CPED1: variants seen among roughly 807,000 people sequenced by gnomAD.
CPED1 encodes the protein cadherin-like and PC-esterase domain-containing protein 1.
A neutral mutation model predicts 128.2 loss-of-function variants in CPED1; 114 were observed. The observed-to-expected ratio is 0.89, with a 90% CI of 0.76 to 1.04. The LOEUF (loss-of-function observed/expected upper bound fraction) is 1.04. Among genes scored for constraint, CPED1 ranks in the 50% least tolerant of loss-of-function variants. The pLI is 0.00. For missense variants in CPED1, 1,211 were observed against 1,207.1 expected, an observed-to-expected ratio of 1.00 and a Z score of -0.05; for synonymous variants, 462 against 426.7, an observed-to-expected ratio of 1.08 and a Z score of -1.02.
chr7:121,282,099 G>GATAT (rs928816461), intron 22 of CPED1, among the ~76,000 whole-genome samples: 1 of 152,102 alleles, frequency 6.6e-6, no homozygotes, highest in African/African-American at 2.4e-5. Context: ...TTTCCTCTTA[G>GATAT]ATATACCTGT....
intron 5 of CPED1, among the ~76,000 whole-genome samples, chr7:121,077,366 T>C (rs1012710978): frequency 2.3e-4 from 35 of 152,014 alleles, no homozygotes; most frequent in Admixed American, 1.8e-3. Context: ...CTTTTGCTTT[T>C]ATTATGTCTT....
intron 2 of CPED1, among the ~76,000 whole-genome samples, chr7:120,996,754 T>C (rs1277255552): frequency 6.6e-6 from 1 of 152,194 alleles, no homozygotes; most frequent in Non-Finnish European, 1.5e-5. Context: ...AATCTTAGCA[T>C]CTATCTTCAC....
chr7:121,099,879 T>C lies in CPED1; in HGVS notation c.750-47T>C, dbSNP rs115702920. 298 of 1,578,110 alleles carry C rather than the reference T, an allele frequency of 1.9e-4. No individual in the cohort carries two copies. In the African/African-American group the frequency reaches 3.4e-3, roughly 18 times the overall value. On this transcript the variant is annotated intron_variant, in intron 6 of 22. Coordinates refer to ENST00000310396, the MANE Select transcript of CPED1 (RefSeq NM_024913.5). ...TGTAGGTAATTTACAAATTATGTAC[T>C]CAACCCTACATTATGGAGCGCTAAC...
At chr7:121,223,245 G>A (rs898310286) in intron 16 of CPED1, among the ~76,000 whole-genome samples, 1 of 152,060 alleles carries the variant, frequency 6.6e-6, no homozygotes, top group South Asian at 2.1e-4. Flanking sequence ...TTCTGTTTAT[G>A]TGATGGATTA....
intron 14 of CPED1, among the ~76,000 whole-genome samples, chr7:121,136,324 G>T (rs1376841383): frequency 6.6e-6 from 1 of 151,996 alleles, no homozygotes; most frequent in African/African-American, 2.4e-5. Flanking sequence ...CCACTTTGAA[G>T]GGCTTTAGGA....
intron 16 of CPED1, among the ~76,000 whole-genome samples, chr7:121,214,071 T>C (rs1797704527): frequency 6.6e-6 from 1 of 152,030 alleles, no homozygotes; most frequent in African/African-American, 2.4e-5. Flanking sequence ...TCAGTTATTT[T>C]GTGGAATGCC....
chr7:121,125,644 C>T (rs1795484537), intron 8 of CPED1, among the ~76,000 whole-genome samples, 176 bp from the exon 9 acceptor site: 1 of 152,114 alleles, frequency 6.6e-6, no homozygotes, highest in Admixed American at 6.5e-5. Context: ...TTGAACTCAT[C>T]CTTTTTTTAT....
At chr7:121,006,550 G>A (rs1792020473) in intron 2 of CPED1, among the ~76,000 whole-genome samples, 1 of 151,824 alleles carries the variant, frequency 6.6e-6, no homozygotes, top group Admixed American at 6.6e-5. Flanking sequence ...AGACTAAAGA[G>A]GGACACACTC....
At chr7:121,132,703 GATTT>G (rs1295793272) in intron 12 of CPED1, among the ~76,000 whole-genome samples, 2 of 152,144 alleles carry the variant, frequency 1.3e-5, no homozygotes, top group East Asian at 3.9e-4. Context: ...AATCCACATG[GATTT>G]GAAACAATGT....
intron 7 of CPED1, among the ~76,000 whole-genome samples, chr7:121,104,990 G>A (rs1794938405): frequency 6.6e-6 from 1 of 152,002 alleles, no homozygotes; most frequent in Non-Finnish European, 1.5e-5. Context: ...GGAAATCTGG[G>A]ATACCGTAGC....
chr7:121,008,926 A>T (rs1281147442), intron 2 of CPED1, among the ~76,000 whole-genome samples: 1 of 152,192 alleles, frequency 6.6e-6, no homozygotes, highest in East Asian at 1.9e-4. Context: ...CGGTTTTGCC[A>T]TCCAAAATCT....
In CPED1 at chr7:121,266,793, A is replaced by G; in HGVS notation, c.2618A>G (p.His873Arg). Reference protein sequence around the residue: ...WLNSNHLQIIHKVLKRENLLN... With the variant: ...WLNSNHLQIIRKVLKRENLLN... ...AATTCCAATCACCTGCAAATTATTC[A>G]CAAAGTTTTGAAGAGGTAAATGTCT... The change falls in exon 20 of 23, where the codon CAC (histidine) becomes CGC (arginine). Residue 873 changes from histidine (H) to arginine (R), a missense_variant. Physicochemically the swap from His to Arg is conservative, Grantham distance 29. Transcript: ENST00000310396. The G allele has an allele frequency of 6.2e-7, 1 of 1,611,900 alleles. No individual in the cohort carries two copies. The highest frequency in any genetic ancestry group is 8.5e-7 in the Non-Finnish European group (1 of 1,178,316).
intron 13 of CPED1, among the ~76,000 whole-genome samples, chr7:121,134,442 T>A (rs1795742096): frequency 6.6e-6 from 1 of 151,980 alleles, no homozygotes; most frequent in South Asian, 2.1e-4. Context: ...ATAGTAGTTA[T>A]TAGAGGCCAG....
At position 121,015,832 on chromosome 7, in the gene CPED1, G is replaced by A. The variant is rs144047302; in HGVS notation, c.417G>A (p.Pro139=). 751 of 1,556,592 alleles carry A rather than the reference G, an allele frequency of 4.8e-4. 3 individuals are homozygous for A. The highest frequency in any genetic ancestry group is 5.6e-4 in the Non-Finnish European group (644 of 1,158,124). The part of the protein sequence containing the change: ...AEERLNAGLG[P]GLLEQGDLGS... Reference sequence around the variant, plus strand: ...AAAGGCTCAATGCTGGCCTAGGGCCGGGGCTACTAGAACAAGGTCAGAATA... The same window carrying A: ...AAAGGCTCAATGCTGGCCTAGGGCCAGGGCTACTAGAACAAGGTCAGAATA... The change falls in exon 3 of 23, where the codon CCG becomes CCA. Residue 139 remains proline, a synonymous_variant. Coordinates refer to ENST00000310396, the MANE Select transcript of CPED1 (RefSeq NM_024913.5).
chr7:121,232,872 G>A (rs1798169668), intron 16 of CPED1, among the ~76,000 whole-genome samples: 1 of 151,930 alleles, frequency 6.6e-6, no homozygotes, highest in Non-Finnish European at 1.5e-5. Flanking sequence ...AATTCCATGG[G>A]GTCAATAGAA....
chr7:121,162,176 G>A (rs1056748130), intron 16 of CPED1, among the ~76,000 whole-genome samples: 2 of 152,194 alleles, frequency 1.3e-5, no homozygotes, highest in African/African-American at 4.8e-5. Flanking sequence ...TAGGCAATAG[G>A]AACTGGTGAG....
chr7:121,055,262 T>C (rs1292473207), intron 4 of CPED1, among the ~76,000 whole-genome samples: 2 of 152,182 alleles, frequency 1.3e-5, no homozygotes, highest in South Asian at 2.1e-4. Flanking sequence ...TAAAAACTTT[T>C]AAATTTAAAA....
chr7:121,238,235 G>T (rs1027272129), intron 17 of CPED1, among the ~76,000 whole-genome samples: 10 of 152,140 alleles, frequency 6.6e-5, no homozygotes, highest in Admixed American at 6.5e-4. Flanking sequence ...AAGGAGCTAG[G>T]TCTCCTTAGA....
At chr7:121,234,823 G>A (rs1306282737) in intron 16 of CPED1, among the ~76,000 whole-genome samples, 2 of 152,048 alleles carry the variant, frequency 1.3e-5, no homozygotes, top group Non-Finnish European at 2.9e-5. Context: ...GTACACGTGT[G>A]TATTTCAGAT....
Sources: gnomAD v4.1 joint callset for allele counts (sites outside exome capture counted in the v4.1 genomes callset) on GRCh38, gnomAD v4.1.1 for gene constraint, MANE v1.5 for transcripts, NCBI Gene and HGNC (gene_info 2026-07-23, HGNC 2026-07-21) for gene names.